PAK1: variants seen among roughly 807,000 people sequenced by gnomAD.
The protein encoded by PAK1 is p21 (RAC1) activated kinase 1, also known as serine/threonine-protein kinase PAK 1.
PAK1 carries 29 observed loss-of-function variants against 67.4 expected under a neutral mutation model. The ratio of observed to expected loss-of-function variants is 0.43; its 90% CI spans 0.32 to 0.59. PAK1 has a LOEUF of 0.59. Among genes scored for constraint, PAK1 ranks in the 20% least tolerant of loss-of-function variants. The pLI, the probability that PAK1 is intolerant of heterozygous loss-of-function variation, is 0.07. For missense variants in PAK1, 337 were observed against 670.7 expected (o/e 0.50, Z 5.50); for synonymous variants, 223 against 237.4 (o/e 0.94, Z 0.56).
chr11:77,464,821 T>G (rs1017808138), intron 1 of PAK1, among the ~76,000 whole-genome samples: 1 of 152,244 alleles, frequency 6.6e-6, no homozygotes, highest in Non-Finnish European at 1.5e-5. Flanking sequence ...GTGATGAATA[T>G]CTCATGTAAT....
chr11:77,454,815 T>C (rs1957011247), intron 1 of PAK1, among the ~76,000 whole-genome samples: 1 of 152,200 alleles, frequency 6.6e-6, no homozygotes, highest in South Asian at 2.1e-4. Flanking sequence ...TCCATTCTCC[T>C]TGCCAGTGAT....
Position 77,322,665 on chromosome 11 carries a change from G to A in PAK1, c.*609C>T, listed in dbSNP as rs1030508079. ...AGCATGGGAACACTATTGGGTCAAG[G>A]TCCTCCCGAACAGCTGCTAGAAGCA... On this transcript the variant is annotated 3_prime_UTR_variant, in exon 15 of 15. Coordinates refer to ENST00000356341, the MANE Select transcript of PAK1 (RefSeq NM_002576.5). The A allele has an allele frequency of 4.1e-6, 1 of 245,576 alleles. No individual in the cohort carries two copies. The highest frequency in any genetic ancestry group is 8.1e-6 in the Non-Finnish European group (1 of 123,986). 15.2% of individuals were successfully genotyped at this position (245,576 alleles called of 1,614,324 possible).
chr11:77,350,653 A>G (rs1945114295), intron 8 of PAK1, among the ~76,000 whole-genome samples: 1 of 152,174 alleles, frequency 6.6e-6, no homozygotes, highest in African/African-American at 2.4e-5. Flanking sequence ...TGAGATTATA[A>G]TTCCAGGTCA....
At chr11:77,509,724 A>C in the PAK1 span, among the ~76,000 whole-genome samples, 1 of 152,062 alleles carries the variant, frequency 6.6e-6, no homozygotes, top group African/African-American at 2.4e-5. Flanking sequence ...GGTCATTTAA[A>C]AGTATGTGGC....
intron 14 of PAK1, among the ~76,000 whole-genome samples, chr11:77,325,786 G>A (rs1423945549): frequency 6.6e-6 from 1 of 152,166 alleles, no homozygotes; most frequent in African/African-American, 2.4e-5. Flanking sequence ...AGGCCAGTAT[G>A]CCATAATCAG....
chr11:77,428,642 G>A (rs1955687835), intron 1 of PAK1, among the ~76,000 whole-genome samples: 1 of 151,964 alleles, frequency 6.6e-6, no homozygotes, highest in Non-Finnish European at 1.5e-5. Context: ...CCTAAGCAGG[G>A]TGAGTCCATC....
At chr11:77,405,869 GTCAAGATTATCAATTA>G (rs757979816) in intron 1 of PAK1, among the ~76,000 whole-genome samples, 1 of 152,102 alleles carries the variant, frequency 6.6e-6, no homozygotes, top group African/African-American at 2.4e-5. Context: ...AAGCAGTCTT[GTCAAGATTATCAATTA>G]TCCCCATCTT....
the PAK1 span, among the ~76,000 whole-genome samples, chr11:77,488,746 G>A: frequency 6.6e-6 from 1 of 151,772 alleles, no homozygotes; most frequent in African/African-American, 2.4e-5. Flanking sequence ...AATAGTCAAA[G>A]GAGACAAAAG....
the PAK1 span, among the ~76,000 whole-genome samples, chr11:77,482,116 G>T: frequency 6.6e-6 from 1 of 151,990 alleles, no homozygotes; most frequent in Non-Finnish European, 1.5e-5. Flanking sequence ...AGCCTCCTGA[G>T]TAGCTGGGAT....
intron 1 of PAK1, among the ~76,000 whole-genome samples, chr11:77,438,724 C>T (rs1023494132): frequency 2.0e-5 from 3 of 152,130 alleles, no homozygotes; most frequent in Non-Finnish European, 4.4e-5. Context: ...ACAGTCCTAA[C>T]GTCAGTTCTG....
At chr11:77,483,671 T>C in the PAK1 span, among the ~76,000 whole-genome samples, 1 of 152,198 alleles carries the variant, frequency 6.6e-6, no homozygotes, top group African/African-American at 2.4e-5. Flanking sequence ...TGCACTTAAA[T>C]TGGGCAAATT....
upstream of PAK1, chr11:77,475,040 A>C (rs1958036413): frequency 6.6e-6 from 1 of 152,222 alleles, no homozygotes; most frequent in South Asian, 2.1e-4. Context: ...TAGTACCTTA[A>C]CTAGGTCTTC....
chr11:77,483,819 G>A, the PAK1 span, among the ~76,000 whole-genome samples: 9 of 152,166 alleles, frequency 5.9e-5, no homozygotes, highest in East Asian at 5.8e-4. Flanking sequence ...ACAGCAATTC[G>A]TGGAGATGAA....
the PAK1 span, among the ~76,000 whole-genome samples, chr11:77,497,005 A>T: frequency 6.6e-6 from 1 of 152,232 alleles, no homozygotes; most frequent in African/African-American, 2.4e-5. Flanking sequence ...CCTCCTTTGA[A>T]CTGAGGAGAC....
chr11:77,426,317 T>C (rs1222210530), intron 1 of PAK1, among the ~76,000 whole-genome samples: 6 of 152,162 alleles, frequency 3.9e-5, no homozygotes, highest in Non-Finnish European at 8.8e-5. Context: ...TGTGAAATTA[T>C]GGCATATACT....
intron 11 of PAK1, among the ~76,000 whole-genome samples, chr11:77,338,171 A>AT (rs1421919912): frequency 1.3e-5 from 2 of 152,206 alleles, no homozygotes; most frequent in Non-Finnish European, 2.9e-5. Context: ...TTCCATCTAT[A>AT]AAATTTGGGA....
the PAK1 span, among the ~76,000 whole-genome samples, chr11:77,500,234 C>G: frequency 6.6e-6 from 1 of 152,058 alleles, no homozygotes; most frequent in East Asian, 1.9e-4. Flanking sequence ...TTTGGGAGGC[C>G]GAGGTGGGCG....
chr11:77,382,547 C>G (rs1175250662), intron 2 of PAK1, among the ~76,000 whole-genome samples: 2 of 152,160 alleles, frequency 1.3e-5, no homozygotes, highest in Non-Finnish European at 2.9e-5. Context: ...CACCACCAAG[C>G]ATCTAGTCAT....
intron 1 of PAK1, among the ~76,000 whole-genome samples, chr11:77,435,850 C>G (rs1470589424): frequency 6.6e-6 from 1 of 151,948 alleles, no homozygotes; most frequent in Non-Finnish European, 1.5e-5. Context: ...ACTAGTATTA[C>G]TGAACAAAAT....
Sources: gnomAD v4.1 joint callset for allele counts (sites outside exome capture counted in the v4.1 genomes callset) on GRCh38, gnomAD v4.1.1 for gene constraint, MANE v1.5 for transcripts, NCBI Gene and HGNC (gene_info 2026-07-23, HGNC 2026-07-21) for gene names.